Variants in LAMA1 observed in about 807,000 individuals in gnomAD.
The protein encoded by LAMA1 is laminin subunit alpha-1.
Under a neutral mutation model 348.7 loss-of-function variants are expected in LAMA1, and 219 were observed. That is an observed-to-expected ratio of 0.63 (90% CI 0.56 to 0.70). The LOEUF is 0.70. LAMA1 is among the 30% of genes least tolerant of loss of function. LAMA1 has a pLI of 0.00. For missense variants in LAMA1, 3,744 were observed against 3,888.0 expected, an observed-to-expected ratio of 0.96 and a Z score of 0.99; for synonymous variants, 1,487 against 1,491.0, an observed-to-expected ratio of 1.00 and a Z score of 0.06.
intron 1 of LAMA1, among the ~76,000 whole-genome samples, chr18:7,085,709 C>T (rs1366529916): frequency 2.6e-5 from 4 of 152,144 alleles, no homozygotes; most frequent in East Asian, 1.9e-4. Context: ...TGAGCCACCG[C>T]TCCTGGCCTA....
intron 12 of LAMA1, 55 bp downstream of exon 12, chr18:7,037,523 C>A: frequency 6.2e-7 from 1 of 1,602,882 alleles, no homozygotes; most frequent in South Asian, 1.1e-5. Context: ...AGTTCTTTCT[C>A]AGTGTTCCCT....
chr18:7,067,991 T>C (rs1216047209), intron 3 of LAMA1, among the ~76,000 whole-genome samples: 1 of 152,122 alleles, frequency 6.6e-6, no homozygotes, highest in Non-Finnish European at 1.5e-5. Context: ...GTAGGTGGCA[T>C]TACAGGCATG....
In LAMA1 at chr18:7,032,994, G is replaced by A; in HGVS notation, c.2153C>T (p.Thr718Ile). Residue 718 changes from threonine (T) to isoleucine (I), a missense_variant, in exon 15 of 63, where the codon ACC becomes ATC. Around this residue, in one of 3 missense-constraint regions of LAMA1, gnomAD observed 1,529 missense variants for 1,689.4 expected, o/e 0.91. Transcript: ENST00000389658. ...HCECPQGYTG[T>I]SCESCLSGYY... ...AGAGAGAAGCGTCACCTCACAGGAG[G>A]TCCCTGTGTAGCCTTGCGGACATTC... 6.2e-7 allele frequency: 1 copy of A among 1,606,708 alleles called. No homozygotes were observed. The highest frequency in any genetic ancestry group is 8.5e-7 in the Non-Finnish European group (1 of 1,175,500).
chr18:7,056,283 C>G (rs1598299871), intron 3 of LAMA1, among the ~76,000 whole-genome samples: 2 of 152,080 alleles, frequency 1.3e-5, no homozygotes, highest in South Asian at 4.1e-4. Context: ...GCCACATGAG[C>G]CAGGGTGATC....
intron 3 of LAMA1, among the ~76,000 whole-genome samples, chr18:7,077,974 G>A (rs1179848912): frequency 6.9e-6 from 1 of 145,748 alleles, no homozygotes; most frequent in Admixed American, 6.9e-5. Context: ...TGAGGCAGGA[G>A]AATCGCGTGA....
rs369361438 is a variant in LAMA1 at position 7,016,644 on chromosome 18, G to A, written c.2836C>T (p.His946Tyr). Residue 946 changes from histidine to tyrosine, a missense_variant, in exon 21 of 63, where the codon CAT becomes TAT. This residue lies in a region of LAMA1 where 1,529 missense variants were observed against 1,689.4 expected (regional missense o/e 0.91). Coordinates refer to ENST00000389658, the MANE Select transcript of LAMA1 (RefSeq NM_005559.4). Reference protein sequence around the residue: ...LHGYYGLDSGHGCRPCNCSVA... With the variant: ...LHGYYGLDSGYGCRPCNCSVA... ...CTGCAGTTGCAGGGCCGGCAGCCAT[G>A]GCCTGAGTCCAGCCCATAATAGCCA... 10 of 1,613,712 alleles carry A rather than the reference G, an allele frequency of 6.2e-6. No homozygotes were observed. The highest frequency in any genetic ancestry group is 1.3e-5 in the African/African-American group (1 of 74,916).
chr18:7,117,526 G>A lies in LAMA1; in HGVS notation c.61+134C>T, dbSNP rs2058362612. 6.9e-6 allele frequency: 6 copies of A among 870,244 alleles called. No individual in the cohort carries two copies. The South Asian group carries it at 8.3e-5, about 12-fold the overall frequency. The allele number at this position is 870,244 out of a possible 1,614,324, so 53.9% of individuals were successfully genotyped here. ...GCAAGCGCGGGAGACCCACGTGGCC[G>A]AGACACCCACTCCGAGGTGGATCAG... On this transcript the variant is annotated intron_variant, in intron 1 of 62. Coordinates refer to ENST00000389658, the MANE Select transcript of LAMA1 (RefSeq NM_005559.4).
In LAMA1 at chr18:7,017,377, T is replaced by C. The variant is rs1406345442; in HGVS notation, c.2709A>G (p.Glu903=). Residue 903 remains glutamate (E), a synonymous_variant, in exon 20 of 63, where the codon GAA becomes GAG. Coordinates refer to ENST00000389658, the MANE Select transcript of LAMA1 (RefSeq NM_005559.4). ...CAGAATGGGAGCCTTTCACATGGCATTCACAGGCTAAACACATGCACACAA... is the reference window on the plus strand; with the variant it reads ...CAGAATGGGAGCCTTTCACATGGCACTCACAGGCTAAACACATGCACACAA... The part of the protein sequence containing the change: ...AVTAKNCRAC[E]CHVKGSHSAV... 1 of 1,613,224 alleles carries C rather than the reference T, an allele frequency of 6.2e-7. No homozygotes were observed. Among genetic ancestry groups the C allele is most frequent in the South Asian group, 1.1e-5 (1 of 90,842 alleles).
intron 3 of LAMA1, among the ~76,000 whole-genome samples, chr18:7,053,780 A>ATTTTTTTTTTTT (rs371341214): frequency 1.4e-5 from 2 of 138,298 alleles, no homozygotes; most frequent in African/African-American, 5.4e-5. Context: ...TCATTAGAGG[A>ATTTTTTTTTTTT]TTTTTTTTTT....
chr18:7,025,775 C>A (rs112410673), intron 17 of LAMA1, among the ~76,000 whole-genome samples: 1 of 152,226 alleles, frequency 6.6e-6, no homozygotes, highest in Admixed American at 6.5e-5. Flanking sequence ...TGCTGGCACA[C>A]ACCTCTTCTT....
At chr18:6,971,731 G>A in intron 48 of LAMA1, 126 bp downstream of exon 48, 1 of 1,340,274 alleles carries the variant, frequency 7.5e-7, no homozygotes, top group Non-Finnish European at 1.1e-6. Context: ...GTAATTGGCA[G>A]CTAAACACCT....
intron 1 of LAMA1, among the ~76,000 whole-genome samples, chr18:7,098,243 G>A (rs1265965131): frequency 2.0e-5 from 3 of 152,256 alleles, no homozygotes; most frequent in South Asian, 4.1e-4. Flanking sequence ...CCAAAGTGCC[G>A]AGATTGCAGC....
At chr18:7,024,686 T>C (rs752584561) in intron 17 of LAMA1, among the ~76,000 whole-genome samples, 2 of 152,016 alleles carry the variant, frequency 1.3e-5, no homozygotes, top group African/African-American at 2.4e-5. Flanking sequence ...CACTCCTCAC[T>C]CCCTGCTCCC....
At position 6,973,214 on chromosome 18, in the gene LAMA1, G is replaced by T; in HGVS notation, c.6624-7C>A. The T allele has an allele frequency of 2.5e-6, 4 of 1,613,844 alleles. No individual in the cohort carries two copies. The South Asian group carries it at 3.3e-5, about 13-fold the overall frequency. On this transcript the variant is annotated splice_region_variant and splice_polypyrimidine_tract_variant and intron_variant, in intron 46 of 62. Coordinates refer to ENST00000389658, the MANE Select transcript of LAMA1 (RefSeq NM_005559.4). ...TGAACCAATGTTTCCAAATCTAAGG[G>T]TTACAAAGAATTGCAAAAGAAATTT... is the stretch of plus-strand genomic sequence containing the variant.
At chr18:6,978,037 T>C (rs2057690549) in intron 43 of LAMA1, among the ~76,000 whole-genome samples, 156 bp from the exon 44 acceptor site, 1 of 152,260 alleles carries the variant, frequency 6.6e-6, no homozygotes, top group African/African-American at 2.4e-5. Flanking sequence ...ACAAGTAGCA[T>C]GCATTTCCCA....
At position 7,010,338 on chromosome 18, in the gene LAMA1, A is replaced by G. The variant is rs1207450095; in HGVS notation, c.3735T>C (p.Ser1245=). 1 of 1,614,204 alleles carries G rather than the reference A, an allele frequency of 6.2e-7. No homozygotes were observed. Among genetic ancestry groups the G allele is most frequent in the Non-Finnish European group, 8.5e-7 (1 of 1,180,044 alleles). ...AATTGGAGGTGCCGACGCCATCCAA[A>G]GAATAGAAGGCCACGCTGTACTTCA... The part of the protein sequence containing the change: ...GKLKYSVAFY[S]LDGVGTSNFE... Residue 1245 remains serine, a synonymous_variant, in exon 26 of 63, where the codon TCT becomes TCC. Transcript: ENST00000389658.
rs774592002 is a variant in LAMA1 at position 7,026,036 on chromosome 18, C to T, written c.2345G>A (p.Arg782Gln). The T allele has an allele frequency of 1.5e-5, 24 of 1,609,360 alleles. No homozygotes were observed. Among genetic ancestry groups the T allele is most frequent in the Admixed American group, 5.0e-5 (3 of 59,464 alleles). Residue 782 changes from arginine (R) to glutamine (Q), a missense_variant, in exon 17 of 63, where the codon CGA becomes CAA. Physicochemically the swap from Arg to Gln is conservative, Grantham distance 43 (BLOSUM62 1). Coordinates refer to ENST00000389658, the MANE Select transcript of LAMA1 (RefSeq NM_005559.4). ...GGGCTGGCAGTCCCCAGGTGTCCCTCGGGAAGGCTCCCCGTAGAAGCCGGG... is the reference window on the plus strand; with the variant it reads ...GGGCTGGCAGTCCCCAGGTGTCCCTTGGGAAGGCTCCCCGTAGAAGCCGGG... ...CLPGFYGEPSRGTPGDCQPCA... is the reference protein window; with the variant it reads ...CLPGFYGEPSQGTPGDCQPCA...
At chr18:7,019,525 T>G (rs916380346) in intron 19 of LAMA1, among the ~76,000 whole-genome samples, 5 of 152,192 alleles carry the variant, frequency 3.3e-5, no homozygotes, top group African/African-American at 1.2e-4. Flanking sequence ...AGTATTTCTT[T>G]GTACTTTCAC....
At chr18:7,000,745 T>C (rs1024730168) in intron 30 of LAMA1, among the ~76,000 whole-genome samples, 2 of 152,218 alleles carry the variant, frequency 1.3e-5, no homozygotes, top group African/African-American at 4.8e-5. Context: ...CAAAACCAGT[T>C]AGAGCCAAGT....
Sources: allele counts gnomAD v4.1 joint callset (sites outside exome capture counted in the v4.1 genomes callset), GRCh38; gene constraint gnomAD v4.1.1; regional missense constraint gnomAD v4.1.1; transcripts MANE v1.5; gene names NCBI Gene and HGNC (gene_info 2026-07-23, HGNC 2026-07-21).